The following IPO11 variants were observed in gnomAD, a reference collection of about 807,000 sequenced individuals.
The protein encoded by IPO11 is importin 11, also known as importin-11.
A neutral mutation model predicts 143.2 loss-of-function variants in IPO11; 66 were observed. That is an observed-to-expected ratio of 0.46 (90% CI 0.38 to 0.57). IPO11 has a LOEUF of 0.57. Among genes scored for constraint, IPO11 ranks in the 20% least tolerant of loss-of-function variants. The probability of loss-of-function intolerance (pLI) is 0.00; values close to 1 mark genes in which losing one functional copy is unlikely to be tolerated. For synonymous variants in IPO11, 385 were observed against 377.8 expected (o/e 1.02, Z -0.22); for missense variants, 1,026 against 1,141.0 (o/e 0.90, Z 1.45).
At chr5:62,500,815 T>C (rs1482955665) in intron 16 of IPO11, among the ~76,000 whole-genome samples, 2 of 152,218 alleles carry the variant, frequency 1.3e-5, no homozygotes, top group Admixed American at 6.5e-5. Context: ...TGCTGTACTT[T>C]TATACTACTG....
intron 15 of IPO11, among the ~76,000 whole-genome samples, chr5:62,491,761 G>A (rs1217117585): frequency 6.6e-6 from 1 of 151,276 alleles, no homozygotes; most frequent in Non-Finnish European, 1.5e-5. Flanking sequence ...TGCCTCCCGG[G>A]TTCATGCCGT....
chr5:62,450,102 C>A, intron 4 of IPO11, 103 bp downstream of exon 4: 1 of 630,854 alleles, frequency 1.6e-6, no homozygotes, highest in Non-Finnish European at 2.6e-6. Context: ...ATCACTATTA[C>A]ACTATTTTCA....
chr5:62,497,743 T>C (rs1741205626), intron 16 of IPO11, among the ~76,000 whole-genome samples: 1 of 152,252 alleles, frequency 6.6e-6, no homozygotes, highest in South Asian at 2.1e-4. Context: ...GTTAGGATTA[T>C]AGGCATTGGC....
intron 7 of IPO11, 42 bp downstream of exon 7, chr5:62,470,350 T>C (rs752209928): frequency 3.3e-6 from 5 of 1,533,456 alleles, no homozygotes; most frequent in Non-Finnish European, 4.5e-6. Flanking sequence ...GGGAAAGTGG[T>C]ATTTTCCTGA....
rs983861428 is a variant in IPO11, at chr5:62,412,805, G to C, written c.-131G>C. On this transcript the variant is annotated 5_prime_UTR_variant, in exon 1 of 30. Coordinates refer to ENST00000325324, the MANE Select transcript of IPO11 (RefSeq NM_016338.5). ...CGCCAAACATGGCGTGTTCCTAGAA[G>C]CCGCTTTCGGCATCAGTAGGCGGCG... 6.5e-6 allele frequency: 1 copy of C among 152,738 alleles called. No individual in the cohort carries two copies. Among genetic ancestry groups the C allele is most frequent in the Non-Finnish European group, 1.5e-5 (1 of 68,076 alleles). The allele number at this position is 152,738 out of a possible 1,614,324, so 9.5% of individuals were successfully genotyped here.
intron 26 of IPO11, among the ~76,000 whole-genome samples, chr5:62,552,849 T>C (rs926458007): frequency 2.0e-5 from 3 of 152,178 alleles, no homozygotes; most frequent in Admixed American, 6.5e-5. Flanking sequence ...ATAATAGTTG[T>C]AGACATTTAT....
chr5:62,433,427 G>A (rs1399860009), intron 1 of IPO11, among the ~76,000 whole-genome samples: 8 of 152,082 alleles, frequency 5.3e-5, no homozygotes, highest in Non-Finnish European at 8.8e-5. Context: ...GGTTCTGTGT[G>A]GGAGATATAC....
chr5:62,463,672 C>CAAA (rs34276216), intron 5 of IPO11, among the ~76,000 whole-genome samples: 33 of 113,978 alleles, frequency 2.9e-4, no homozygotes, highest in African/African-American at 7.5e-4. Flanking sequence ...CTCTTTGTCT[C>CAAA]AAAAAAAAAA....
chr5:62,551,702 A>G (rs529183319), intron 26 of IPO11, among the ~76,000 whole-genome samples: 160 of 152,294 alleles, frequency 1.1e-3, no homozygotes, highest in African/African-American at 3.6e-3. Context: ...TTTTAATGCC[A>G]CAGATTGAGA....
intron 26 of IPO11, among the ~76,000 whole-genome samples, chr5:62,554,831 T>G (rs1743517067): frequency 1.3e-5 from 2 of 152,152 alleles, no homozygotes; most frequent in Admixed American, 1.3e-4. Flanking sequence ...TTCTCCTGAC[T>G]CAGCCTCCCC....
chr5:62,586,313 C>A (rs1433159378), intron 27 of IPO11, among the ~76,000 whole-genome samples: 3 of 152,040 alleles, frequency 2.0e-5, no homozygotes. Flanking sequence ...ATGCTTCTTG[C>A]AAACTTTGAC....
chr5:62,434,220 C>G (rs986396505), intron 1 of IPO11, among the ~76,000 whole-genome samples: 1 of 152,154 alleles, frequency 6.6e-6, no homozygotes, highest in Non-Finnish European at 1.5e-5. Context: ...TCTTGTCATT[C>G]ACGTCTCTCA....
intron 27 of IPO11, among the ~76,000 whole-genome samples, chr5:62,561,617 A>C (rs957211337): frequency 3.2e-4 from 48 of 152,180 alleles, no homozygotes; most frequent in Admixed American, 6.5e-4. Context: ...AGCACTTCAT[A>C]AAGTATGTTA....
chr5:62,534,580 A>G (rs1439050588), intron 22 of IPO11, among the ~76,000 whole-genome samples: 1 of 152,266 alleles, frequency 6.6e-6, no homozygotes, highest in African/African-American at 2.4e-5. Flanking sequence ...TAGGTTATAT[A>G]CAGGTTTACC....
rs1052594879 is a variant in IPO11, at chr5:62,522,719, T to C, written c.1897-3423T>C. Among the ~76,000 whole-genome samples, 4 of 152,356 alleles carry C rather than the reference T, an allele frequency of 2.6e-5. 1 individual carries two copies. Among genetic ancestry groups the C allele is most frequent in the African/African-American group, 7.2e-5 (3 of 41,586 alleles). On this transcript the variant is annotated intron_variant, in intron 20 of 29. Coordinates refer to ENST00000325324, the MANE Select transcript of IPO11 (RefSeq NM_016338.5). ...CTGTTACATGCTGATGTAATCTTCC[T>C]GTTTTATGTCATATCCCTGTTCTTG...
At position 62,431,123 on chromosome 5, in the gene IPO11, T is replaced by C. The variant is rs185385093; in HGVS notation, c.-6-6151T>C. 2.6e-5 allele frequency among the ~76,000 whole-genome samples: 4 copies of C among 151,992 alleles called. No individual in the cohort carries two copies. In the East Asian group the frequency reaches 5.8e-4, roughly 22 times the overall value. ...TCCTGAGTAGCTGGGACTACAGGCA[T>C]GTGCTACGGTACGCCTGGCTAATTT... On this transcript the variant is annotated intron_variant, in intron 1 of 29. Coordinates refer to ENST00000325324, the MANE Select transcript of IPO11 (RefSeq NM_016338.5).
At chr5:62,429,565 A>G (rs1743897156) in intron 1 of IPO11, among the ~76,000 whole-genome samples, 1 of 148,012 alleles carries the variant, frequency 6.8e-6, no homozygotes, top group African/African-American at 2.5e-5. Context: ...ACAGGCGCAC[A>G]CCACCATGCC....
intron 29 of IPO11, among the ~76,000 whole-genome samples, chr5:62,624,652 C>A (rs1746495837): frequency 6.6e-6 from 1 of 152,020 alleles, no homozygotes; most frequent in Non-Finnish European, 1.5e-5. Flanking sequence ...GAATGCAGCC[C>A]AGTAGGTCTC....
intron 20 of IPO11, among the ~76,000 whole-genome samples, chr5:62,517,916 T>G (rs560346056): frequency 1.1e-3 from 160 of 152,300 alleles, no homozygotes; most frequent in African/African-American, 3.6e-3. Context: ...ACAAGTAGTA[T>G]TCTACCTTTC....
Sources: allele counts gnomAD v4.1 joint callset (sites outside exome capture counted in the v4.1 genomes callset), GRCh38; gene constraint gnomAD v4.1.1; transcripts MANE v1.5; gene names NCBI Gene and HGNC (gene_info 2026-07-23, HGNC 2026-07-21).